GPC6: variants seen among roughly 807,000 people sequenced by gnomAD.
GPC6 encodes glypican-6.
GPC6 carries 14 observed loss-of-function variants against 55.2 expected under a neutral mutation model. The ratio of observed to expected loss-of-function variants is 0.25; its 90% CI spans 0.17 to 0.40. The LOEUF is 0.40. Among genes scored for constraint, GPC6 ranks in the 10% least tolerant of loss-of-function variants. GPC6 has a pLI of 1.00. For missense variants in GPC6, 641 were observed against 708.5 expected (o/e 0.90, Z 1.08); for synonymous variants, 278 against 259.6 (o/e 1.07, Z -0.68).
intron 5 of GPC6, among the ~76,000 whole-genome samples, chr13:94,293,444 C>G (rs1398807098): frequency 3.3e-5 from 5 of 152,166 alleles, no homozygotes; most frequent in Admixed American, 1.3e-4. Context: ...ATATAAGACA[C>G]GCCTGCTTCT....
intron 2 of GPC6, among the ~76,000 whole-genome samples, chr13:93,827,109 T>C (rs1887292895): frequency 6.6e-6 from 1 of 152,218 alleles, no homozygotes; most frequent in South Asian, 2.1e-4. Context: ...ATAGCATTTC[T>C]TTCTGCCAAA....
chr13:93,351,088 G>A (rs749528518), intron 1 of GPC6, among the ~76,000 whole-genome samples: 13 of 151,898 alleles, frequency 8.6e-5, no homozygotes, highest in Non-Finnish European at 1.5e-4. Flanking sequence ...GGACAGAATT[G>A]GATACAGAAA....
intron 3 of GPC6, among the ~76,000 whole-genome samples, chr13:93,922,798 A>G (rs1877644020): frequency 6.6e-6 from 1 of 152,220 alleles, no homozygotes; most frequent in African/African-American, 2.4e-5. Flanking sequence ...CCTCCTGTTT[A>G]CGTTCCTTTA....
At chr13:94,046,039 C>T (rs1883721329) in intron 4 of GPC6, among the ~76,000 whole-genome samples, 1 of 151,972 alleles carries the variant, frequency 6.6e-6, no homozygotes, top group African/African-American at 2.4e-5. Context: ...TTGGCTCACA[C>T]AAAGTCCATG....
intron 3 of GPC6, among the ~76,000 whole-genome samples, chr13:93,937,080 G>C (rs1430634852): frequency 6.6e-6 from 1 of 152,190 alleles, no homozygotes; most frequent in Non-Finnish European, 1.5e-5. Flanking sequence ...ATTTGCCTTG[G>C]TTAGCCAGAG....
intron 4 of GPC6, among the ~76,000 whole-genome samples, chr13:94,168,291 T>C (rs1347034485): frequency 6.6e-6 from 1 of 152,228 alleles, no homozygotes; most frequent in African/African-American, 2.4e-5. Flanking sequence ...CTCTCTGCTA[T>C]CTCGGAGATT....
At chr13:93,954,840 T>C (rs1203273791) in intron 3 of GPC6, among the ~76,000 whole-genome samples, 2 of 152,268 alleles carry the variant, frequency 1.3e-5, no homozygotes, top group Middle Eastern at 3.4e-3. Flanking sequence ...CCAGGTTTAG[T>C]AACTCTATGT....
intron 2 of GPC6, among the ~76,000 whole-genome samples, chr13:93,760,965 A>G (rs554941093): frequency 1.6e-4 from 24 of 152,346 alleles, no homozygotes; most frequent in African/African-American, 5.1e-4. Flanking sequence ...AAGACAAAGT[A>G]TGATTTCTTT....
intron 2 of GPC6, among the ~76,000 whole-genome samples, chr13:93,633,677 AC>A (rs985531020): frequency 2.0e-5 from 3 of 150,604 alleles, no homozygotes; most frequent in Non-Finnish European, 4.4e-5. Context: ...TAAATAAATA[AC>A]CAAAGTTTTT....
intron 1 of GPC6, among the ~76,000 whole-genome samples, chr13:93,239,505 G>A (rs958778271): frequency 5.9e-5 from 9 of 151,624 alleles, no homozygotes; most frequent in Non-Finnish European, 8.9e-5. Context: ...ATTTCTGATT[G>A]AGCTTATTTG....
chr13:93,272,356 A>G (rs924204567), intron 1 of GPC6, among the ~76,000 whole-genome samples: 2 of 151,902 alleles, frequency 1.3e-5, no homozygotes, highest in African/African-American at 4.8e-5. Context: ...TTTATTTTAC[A>G]TTCTAACTTG....
chr13:94,149,691 A>G (rs1032324434), intron 4 of GPC6, among the ~76,000 whole-genome samples: 1 of 152,016 alleles, frequency 6.6e-6, no homozygotes, highest in Non-Finnish European at 1.5e-5. Context: ...CTAGAGAAAA[A>G]TGCTTAGTCA....
At chr13:94,126,772 TAAG>T (rs1275705090) in intron 4 of GPC6, among the ~76,000 whole-genome samples, 1 of 152,188 alleles carries the variant, frequency 6.6e-6, no homozygotes, top group Non-Finnish European at 1.5e-5. Context: ...ATTGATAACA[TAAG>T]AAGTTGGCTG....
intron 1 of GPC6, among the ~76,000 whole-genome samples, chr13:93,507,266 C>T (rs1880773465): frequency 6.6e-6 from 1 of 152,070 alleles, no homozygotes; most frequent in Non-Finnish European, 1.5e-5. Flanking sequence ...TAGATCACAT[C>T]GAGAAGACTG....
intron 2 of GPC6, among the ~76,000 whole-genome samples, chr13:93,762,502 G>T (rs539267919): frequency 6.6e-6 from 1 of 152,276 alleles, no homozygotes; most frequent in East Asian, 1.9e-4. Context: ...CCAGAATGGA[G>T]CTGTAAGCAT....
intron 2 of GPC6, among the ~76,000 whole-genome samples, chr13:93,670,321 T>C: frequency 6.6e-6 from 1 of 152,198 alleles, no homozygotes; most frequent in East Asian, 1.9e-4. Flanking sequence ...AGAAAGAAGA[T>C]GACTGCCATG....
chr13:94,239,349 G>A (rs1182781702), intron 4 of GPC6, among the ~76,000 whole-genome samples: 1 of 152,088 alleles, frequency 6.6e-6, no homozygotes, highest in Non-Finnish European at 1.5e-5. Flanking sequence ...GAGCAAAGGA[G>A]GAGTCATTTC....
At chr13:93,898,743 G>A (rs1876162211) in intron 3 of GPC6, among the ~76,000 whole-genome samples, 1 of 151,600 alleles carries the variant, frequency 6.6e-6, no homozygotes, top group South Asian at 2.1e-4. Flanking sequence ...AAGAAATATG[G>A]CCAAGTTTTA....
At chr13:93,352,995 A>T (rs528256717) in intron 1 of GPC6, among the ~76,000 whole-genome samples, 154 of 152,306 alleles carry the variant, frequency 1.0e-3, no homozygotes, top group African/African-American at 3.6e-3. Flanking sequence ...AAGTACTGGC[A>T]TAGGTAAGAG....
Sources: gnomAD v4.1 joint callset for allele counts (sites outside exome capture counted in the v4.1 genomes callset) on GRCh38, gnomAD v4.1.1 for gene constraint, MANE v1.5 for transcripts, NCBI Gene and HGNC (gene_info 2026-07-23, HGNC 2026-07-21) for gene names.